FGF12: variants seen among roughly 807,000 people sequenced by gnomAD.
The protein encoded by FGF12 is fibroblast growth factor 12B.
In FGF12, 14 loss-of-function variants were observed where a neutral mutation model predicts 23.6. The observed-to-expected ratio is 0.59, with a 90% CI of 0.39 to 0.93. FGF12 has a LOEUF of 0.93. FGF12 is among the 40% of genes least tolerant of loss of function. The pLI is 0.00. For missense variants in FGF12, 175 were observed against 217.8 expected, an observed-to-expected ratio of 0.80 and a Z score of 1.24; for synonymous variants, 62 against 77.3, an observed-to-expected ratio of 0.80 and a Z score of 1.04.
At chr3:192,281,333 C>T (rs1714129384) in intron 4 of FGF12, among the ~76,000 whole-genome samples, 1 of 152,084 alleles carries the variant, frequency 6.6e-6, no homozygotes, top group Non-Finnish European at 1.5e-5. Context: ...CGGCCTTCTA[C>T]CTGTGTATCT....
chr3:192,355,227 T>C (rs182604587), intron 3 of FGF12, among the ~76,000 whole-genome samples: 1 of 152,220 alleles, frequency 6.6e-6, no homozygotes, highest in Non-Finnish European at 1.5e-5. Context: ...TATAGGATTG[T>C]TTGTATTAGC....
At chr3:192,710,604 T>A (rs1718632075) in intron 2 of FGF12, among the ~76,000 whole-genome samples, 1 of 152,196 alleles carries the variant, frequency 6.6e-6, no homozygotes, top group African/African-American at 2.4e-5. Flanking sequence ...AGCACCAGAT[T>A]TGTCTAGAAG....
In FGF12 at chr3:192,657,090, C is replaced by A. The variant is rs1011262547; in HGVS notation, c.13+70091G>T. Among the ~76,000 whole-genome samples, 13 of 142,884 alleles carry A rather than the reference C, an allele frequency of 9.1e-5. 1 individual carries two copies. Among genetic ancestry groups the A allele is most frequent in the Admixed American group, 1.4e-4 (2 of 13,926 alleles). The allele number at this position is 142,884 out of a possible 152,430, so 93.7% of individuals were successfully genotyped here. A position where few individuals can be genotyped will look rare whatever the true frequency, so the allele number is the denominator to read the frequency against. Reference sequence around the variant, plus strand: ...GGTTGCTATTCTGGATATCTATGTTCTCTGCTGAGTTGAGGTTTTTTTTTT... The same window carrying A: ...GGTTGCTATTCTGGATATCTATGTTATCTGCTGAGTTGAGGTTTTTTTTTT... On this transcript the variant is annotated intron_variant, in intron 2 of 5. Coordinates refer to ENST00000445105, the MANE Select transcript of FGF12 (RefSeq NM_004113.6).
At chr3:192,445,539 T>G (rs930674841) in intron 2 of FGF12, among the ~76,000 whole-genome samples, 8 of 152,196 alleles carry the variant, frequency 5.3e-5, no homozygotes, top group African/African-American at 1.9e-4. Context: ...CCTGAGTCCT[T>G]CACCCCAAGA....
At chr3:192,639,223 G>A (rs929986186) in intron 2 of FGF12, among the ~76,000 whole-genome samples, 8 of 152,088 alleles carry the variant, frequency 5.3e-5, no homozygotes, top group East Asian at 1.9e-4. Context: ...TTAATAATCC[G>A]GGAAATGTAA....
intron 2 of FGF12, among the ~76,000 whole-genome samples, chr3:192,645,107 A>AAAG (rs750446452): frequency 1.1e-4 from 17 of 152,158 alleles, no homozygotes; most frequent in Non-Finnish European, 1.5e-4. Flanking sequence ...TGCTGAAGCC[A>AAAG]AAGAAGCTTG....
In FGF12 at chr3:192,409,057, G is replaced by A; in HGVS notation, c.14-48519C>T. ...CTCCCGGCCAGCAGCACTGCAAAGAGAGCGGGAGGCGAGGGAGGGGGGAGG... is the reference window on the plus strand; with the variant it reads ...CTCCCGGCCAGCAGCACTGCAAAGAAAGCGGGAGGCGAGGGAGGGGGGAGG... On this transcript the variant is annotated intron_variant, in intron 2 of 5. Coordinates refer to ENST00000445105, the MANE Select transcript of FGF12 (RefSeq NM_004113.6). This position sits in a 1 kb window ranked among gnomAD's most constrained non-coding sequence, Gnocchi z 4.8. 1.0e-6 allele frequency: 1 copy of A among 973,196 alleles called. No homozygotes were observed. Among genetic ancestry groups the A allele is most frequent in the Non-Finnish European group, 1.2e-6 (1 of 819,724 alleles). 60.3% of individuals were successfully genotyped at this position (973,196 alleles called of 1,614,324 possible).
intron 2 of FGF12, among the ~76,000 whole-genome samples, chr3:192,687,557 C>T (rs1717790067): frequency 6.6e-6 from 1 of 152,130 alleles, no homozygotes; most frequent in African/African-American, 2.4e-5. Flanking sequence ...AGAACAGCTG[C>T]TGTCTCTAAA....
At chr3:192,196,892 T>A (rs1460599893) in intron 4 of FGF12, among the ~76,000 whole-genome samples, 4 of 152,132 alleles carry the variant, frequency 2.6e-5, no homozygotes, top group Admixed American at 2.6e-4. Context: ...AACTAAGCAG[T>A]AGTTACAGAA....
intron 4 of FGF12, among the ~76,000 whole-genome samples, chr3:192,188,829 C>T (rs572199652): frequency 4.6e-5 from 7 of 152,312 alleles, no homozygotes; most frequent in African/African-American, 1.7e-4. Context: ...TTGAAAAGAA[C>T]GTGGGTAACC....
chr3:192,424,870 C>A (rs1721646176), intron 2 of FGF12, among the ~76,000 whole-genome samples: 1 of 152,098 alleles, frequency 6.6e-6, no homozygotes, highest in South Asian at 2.1e-4. Context: ...CACCAGTCTT[C>A]TTGCCTCAGC....
At chr3:192,154,618 G>T (rs1000979566) in intron 5 of FGF12, among the ~76,000 whole-genome samples, 10 of 150,992 alleles carry the variant, frequency 6.6e-5, no homozygotes, top group African/African-American at 2.2e-4. Flanking sequence ...CTCCCAGTTA[G>T]GCTGCTCGGG....
At chr3:192,572,540 C>A (rs893694497) in intron 2 of FGF12, among the ~76,000 whole-genome samples, 1 of 152,024 alleles carries the variant, frequency 6.6e-6, no homozygotes, top group Admixed American at 6.6e-5. Flanking sequence ...ACAAAACAAA[C>A]AAAACTCAAA....
intron 2 of FGF12, among the ~76,000 whole-genome samples, chr3:192,710,443 A>AAACAAC: frequency 6.6e-6 from 1 of 152,226 alleles, no homozygotes. Flanking sequence ...AGAGAGAAGA[A>AAACAAC]AACAACAACA....
intron 2 of FGF12, among the ~76,000 whole-genome samples, chr3:192,722,310 T>C (rs927113111): frequency 4.6e-5 from 7 of 152,234 alleles, no homozygotes; most frequent in Admixed American, 1.3e-4. Context: ...ATTGTTGTTG[T>C]TATTGTTTAA....
intron 2 of FGF12, among the ~76,000 whole-genome samples, chr3:192,506,411 C>G (rs566903927): frequency 6.6e-6 from 1 of 152,350 alleles, no homozygotes; most frequent in South Asian, 2.1e-4. Flanking sequence ...CCCTTTGCAG[C>G]CCAGGCTGGA....
At chr3:192,438,995 C>G (rs4687334) in intron 2 of FGF12, among the ~76,000 whole-genome samples, 56,035 of 152,044 alleles carry the variant, frequency 0.37, 10,628 homozygotes, top group South Asian at 0.49. Flanking sequence ...CTCTATGGAC[C>G]TAGTTGCATA....
chr3:192,483,006 T>C (rs1372623034), intron 2 of FGF12, among the ~76,000 whole-genome samples: 1 of 152,180 alleles, frequency 6.6e-6, no homozygotes, highest in African/African-American at 2.4e-5. Flanking sequence ...TATAGTCTTC[T>C]ACAACTTACA....
intron 2 of FGF12, among the ~76,000 whole-genome samples, chr3:192,441,082 T>C (rs1254894035): frequency 6.6e-6 from 1 of 152,206 alleles, no homozygotes; most frequent in East Asian, 1.9e-4. Flanking sequence ...AAGAGACTTA[T>C]TTTGTGGAGT....
Sources: gnomAD v4.1 joint callset for allele counts (sites outside exome capture counted in the v4.1 genomes callset) on GRCh38, gnomAD v4.1.1 for gene constraint, Gnocchi (gnomAD v3.1) non-coding constraint, MANE v1.5 for transcripts, NCBI Gene and HGNC (gene_info 2026-07-23, HGNC 2026-07-21) for gene names.